DENND2B: variants seen among roughly 807,000 people sequenced by gnomAD.
The protein encoded by DENND2B is DENN domain-containing protein 2B.
DENND2B carries 32 observed loss-of-function variants against 116.0 expected under a neutral mutation model. That is an observed-to-expected ratio of 0.28 (90% CI 0.21 to 0.37). DENND2B has a LOEUF of 0.37. Among genes scored for constraint, DENND2B ranks in the 10% least tolerant of loss-of-function variants. DENND2B has a pLI of 1.00. For synonymous variants in DENND2B, 588 were observed against 583.9 expected (o/e 1.01, Z -0.10); for missense variants, 1,276 against 1,477.7 (o/e 0.86, Z 2.24).
chr11:8,844,542 C>T (rs1294565869), intron 3 of DENND2B, among the ~76,000 whole-genome samples: 2 of 92,426 alleles, frequency 2.2e-5, no homozygotes, highest in African/African-American at 7.5e-5. Flanking sequence ...ACATTTTATA[C>T]TATGCCTTTT....
At chr11:8,837,263 T>C (rs2062465561) in intron 4 of DENND2B, among the ~76,000 whole-genome samples, 1 of 77,330 alleles carries the variant, frequency 1.3e-5, no homozygotes, top group Admixed American at 1.3e-4. Context: ...GGATGGGGAT[T>C]ACATAGGCAG....
At chr11:8,856,646 T>C (rs938238085) in intron 3 of DENND2B, among the ~76,000 whole-genome samples, 2 of 152,168 alleles carry the variant, frequency 1.3e-5, no homozygotes, top group African/African-American at 2.4e-5. Context: ...AACCACTATA[T>C]TGGGCAGCTC....
chr11:8,834,066 G>C (rs1280571153), intron 4 of DENND2B, among the ~76,000 whole-genome samples: 1 of 152,128 alleles, frequency 6.6e-6, no homozygotes, highest in African/African-American at 2.4e-5. Flanking sequence ...ACAGAAAGAA[G>C]GACAAAGATA....
At chr11:8,699,507 G>A in intron 14 of DENND2B, 117 bp from the exon 15 acceptor site, 3 of 1,043,078 alleles carry the variant, frequency 2.9e-6, no homozygotes, top group Non-Finnish European at 4.1e-6. Context: ...AATGCTAATG[G>A]GGTTCAGGGA....
chr11:8,765,305 G>T (rs2055504018), intron 1 of DENND2B, among the ~76,000 whole-genome samples: 1 of 152,226 alleles, frequency 6.6e-6, no homozygotes, highest in Non-Finnish European at 1.5e-5. Flanking sequence ...CTACTTGGCA[G>T]TTTCAGGTCT....
At chr11:8,836,995 C>T (rs922361794) in intron 4 of DENND2B, among the ~76,000 whole-genome samples, 1 of 152,218 alleles carries the variant, frequency 6.6e-6, no homozygotes, top group African/African-American at 2.4e-5. Context: ...GGATTACAGG[C>T]GTGGGCCACC....
intron 1 of DENND2B, among the ~76,000 whole-genome samples, chr11:8,763,091 A>C (rs1299313746): frequency 6.6e-6 from 1 of 152,200 alleles, no homozygotes; most frequent in Non-Finnish European, 1.5e-5. Flanking sequence ...TAGAACAGAT[A>C]CTTCACCAGA....
chr11:8,883,443 T>G (rs551870676), intron 1 of DENND2B, among the ~76,000 whole-genome samples: 16 of 152,206 alleles, frequency 1.1e-4, no homozygotes, highest in Non-Finnish European at 1.9e-4. Context: ...ATTAGGGGCT[T>G]TTTGTTTTCT....
Position 8,773,298 on chromosome 11 carries a change from C to T in DENND2B, c.-25-22573G>A, listed in dbSNP as rs551921827. ...AGACCACGGCCAGGGCCCACAGCAG[C>T]GACCACCATGAGCCACTCTGGCACC... On this transcript the variant is annotated intron_variant, in intron 1 of 19. Transcript: ENST00000313726. 2.6e-3 allele frequency among the ~76,000 whole-genome samples: 390 copies of T among 152,290 alleles called. 3 individuals carry two copies. Among genetic ancestry groups the T allele is most frequent in the African/African-American group, 8.9e-3 (370 of 41,552 alleles).
intron 2 of DENND2B, among the ~76,000 whole-genome samples, chr11:8,865,231 G>A (rs1252868883): frequency 2.6e-5 from 4 of 152,130 alleles, no homozygotes; most frequent in Admixed American, 1.3e-4. Flanking sequence ...GCAAAGGCTG[G>A]ATTCTTCTTA....
chr11:8,715,345 C>T (rs2044541033), intron 6 of DENND2B: 1 of 507,030 alleles, frequency 2.0e-6, no homozygotes, highest in South Asian at 2.2e-5. Flanking sequence ...ATACACCACA[C>T]TTACTAATGG....
chr11:8,797,239 A>G (rs184483633), intron 1 of DENND2B, among the ~76,000 whole-genome samples: 1 of 152,360 alleles, frequency 6.6e-6, no homozygotes, highest in African/African-American at 2.4e-5. Flanking sequence ...AATGCCTAGT[A>G]TAACACAATG....
chr11:8,820,595 GGTGT>G (rs377558671), intron 4 of DENND2B, among the ~76,000 whole-genome samples: 2 of 151,974 alleles, frequency 1.3e-5, no homozygotes, highest in African/African-American at 2.4e-5. Flanking sequence ...TGTGTGAGAG[GGTGT>G]GTGTGTATGT....
chr11:8,716,733 C>T (rs899084117), intron 5 of DENND2B, among the ~76,000 whole-genome samples: 22 of 152,018 alleles, frequency 1.4e-4, no homozygotes, highest in East Asian at 1.9e-4. Context: ...CTGCAACCTC[C>T]GTCTTCCGAG....
chr11:8,726,802 A>T (rs985894890), intron 3 of DENND2B, among the ~76,000 whole-genome samples: 1 of 152,208 alleles, frequency 6.6e-6, no homozygotes, highest in East Asian at 1.9e-4. Context: ...GGTCCCACTC[A>T]GGGCTGTCAG....
intron 1 of DENND2B, among the ~76,000 whole-genome samples, chr11:8,902,346 G>A (rs758283149): frequency 1.3e-5 from 2 of 150,940 alleles, no homozygotes; most frequent in Non-Finnish European, 3.0e-5. Flanking sequence ...AAAAAAGAGT[G>A]AGGTGTTGAA....
At chr11:8,901,939 T>C (rs2064175665) in intron 1 of DENND2B, among the ~76,000 whole-genome samples, 1 of 152,192 alleles carries the variant, frequency 6.6e-6, no homozygotes, top group Non-Finnish European at 1.5e-5. Context: ...TGTGCTATTG[T>C]TGGATGGAGT....
At chr11:8,815,344 A>G (rs2061532390), upstream of DENND2B, among the ~76,000 whole-genome samples, 1 of 152,216 alleles carries the variant, frequency 6.6e-6, no homozygotes, top group Non-Finnish European at 1.5e-5. Flanking sequence ...GGAAAAATGA[A>G]GGTCTAAGTA....
In DENND2B at chr11:8,697,506, G is replaced by A. The variant is rs377348116; in HGVS notation, c.3052+19C>T. On this transcript the variant is annotated intron_variant, in intron 17 of 19. Coordinates refer to ENST00000313726, the MANE Select transcript of DENND2B (RefSeq NM_213618.2). ...GGGAGCCTGGAGCAGAGCTGACCGT[G>A]CCCGGGCACTATTCTCACCATCGTC... is the stretch of plus-strand genomic sequence containing the variant. The A allele has an allele frequency of 8.1e-6, 13 of 1,598,256 alleles. No homozygotes were observed. The highest frequency in any genetic ancestry group is 1.1e-5 in the Non-Finnish European group (13 of 1,166,062).
Sources: gnomAD v4.1 joint callset for allele counts (sites outside exome capture counted in the v4.1 genomes callset) on GRCh38, gnomAD v4.1.1 for gene constraint, MANE v1.5 for transcripts, NCBI Gene and HGNC (gene_info 2026-07-23, HGNC 2026-07-21) for gene names.